Variants in CEP350 observed in about 807,000 individuals in gnomAD.
The protein encoded by CEP350 is centrosomal protein 350.
A neutral mutation model predicts 331.8 loss-of-function variants in CEP350; 126 were observed. That is an observed-to-expected ratio of 0.38 (90% CI 0.33 to 0.44). The LOEUF (loss-of-function observed/expected upper bound fraction) is 0.44, where lower values mean the gene tolerates loss of function less well. Ranked by LOEUF, CEP350 falls within the 20% of genes least tolerant of loss-of-function variation. CEP350 has a pLI of 1.00. For synonymous variants in CEP350, 1,200 were observed against 1,259.5 expected (o/e 0.95, Z 1.00); for missense variants, 3,406 against 3,634.6 (o/e 0.94, Z 1.62).
chr1:179,986,193 CA>C lies in CEP350; in HGVS notation c.15del (p.Lys5AsnfsTer23). 6.4e-7 allele frequency: 1 copy of C among 1,551,228 alleles called. No homozygotes were observed. MRSSKSKEVPLPNPR... is the reference protein window; with the variant it reads MRSSXSKEVPLPNPR... Reference sequence around the variant, plus strand: ...GGTAAATTGGCAGGATGAGGAGCAGCAAATCAAAAGAGGTGCCTTTACCAAA... The same window carrying C: ...GGTAAATTGGCAGGATGAGGAGCAGCAATCAAAAGAGGTGCCTTTACCAAA... On this transcript the variant is annotated frameshift_variant, in exon 2 of 38. Transcript: ENST00000367607. LOFTEE classifies it high-confidence loss of function.
intron 25 of CEP350, 85 bp downstream of exon 25, chr1:180,054,587 T>A (rs1010643237): frequency 1.1e-6 from 1 of 930,938 alleles, no homozygotes; most frequent in African/African-American, 1.6e-5. Flanking sequence ...TTTCTTTTCC[T>A]TATCATTGCC....
At chr1:180,050,466 C>G (rs750822254) in intron 22 of CEP350, among the ~76,000 whole-genome samples, 2 of 151,950 alleles carry the variant, frequency 1.3e-5, no homozygotes, top group Non-Finnish European at 2.9e-5. Context: ...AGTTCAAGAC[C>G]AGCCTGGCCA....
chr1:180,098,885 T>C lies in CEP350; in HGVS notation c.9089T>C (p.Leu3030Pro). Residue 3030 changes from leucine to proline, a missense_variant, in exon 37 of 38, where the codon CTC becomes CCC. Physicochemically the swap from Leu to Pro is moderately conservative, Grantham distance 98 (BLOSUM62 -3). Coordinates refer to ENST00000367607, the MANE Select transcript of CEP350 (RefSeq NM_014810.5). ...CAGAGCTTCATAGCAAGTGAAGTAC[T>C]CAAGTTGTTCAGTCTTAAAAAGGAG... ...EIKSFIASEV[L>P]KLFSLKKEPN... 1 of 1,613,360 alleles carries C rather than the reference T, an allele frequency of 6.2e-7. No individual in the cohort carries two copies. The highest frequency in any genetic ancestry group is 8.5e-7 in the Non-Finnish European group (1 of 1,179,568).
intron 37 of CEP350, among the ~76,000 whole-genome samples, chr1:180,107,616 C>T (rs1362495875): frequency 3.9e-5 from 6 of 152,104 alleles, no homozygotes; most frequent in Admixed American, 1.3e-4. Context: ...TGCAGTGAGC[C>T]GAGATGGCGC....
At chr1:180,073,824 C>A in intron 27 of CEP350, 1 of 1,304,296 alleles carries the variant, frequency 7.7e-7, no homozygotes, top group South Asian at 1.2e-5. Context: ...TCTGTCTTTA[C>A]GTCTCATCAC....
At chr1:179,983,256 A>G (rs180994610) in intron 1 of CEP350, among the ~76,000 whole-genome samples, 6 of 151,602 alleles carry the variant, frequency 4.0e-5, no homozygotes, top group East Asian at 1.9e-4. Context: ...TTTTTTTGAG[A>G]CGGAGTCTCG....
intron 17 of CEP350, among the ~76,000 whole-genome samples, chr1:180,039,958 G>A (rs1344652542): frequency 6.6e-6 from 1 of 151,806 alleles, no homozygotes; most frequent in Admixed American, 6.6e-5. Flanking sequence ...TCTCTCATTA[G>A]TATTTCATTG....
intron 5 of CEP350, among the ~76,000 whole-genome samples, chr1:179,994,002 G>A (rs1653287773): frequency 6.6e-6 from 1 of 152,058 alleles, no homozygotes; most frequent in South Asian, 2.1e-4. Flanking sequence ...CTGCCCATTA[G>A]TCTATCTAAG....
At chr1:180,052,386 G>T (rs539415915) in intron 22 of CEP350, 7 of 347,174 alleles carry the variant, frequency 2.0e-5, no homozygotes, top group African/African-American at 1.5e-4. Flanking sequence ...ATAAATAAGA[G>T]CTCTTTGTAG....
intron 8 of CEP350, among the ~76,000 whole-genome samples, chr1:180,011,544 C>A (rs146244397): frequency 0.083 from 12,674 of 152,116 alleles, 702 homozygotes; most frequent in Non-Finnish European, 0.12. Flanking sequence ...TGGGTTCAAG[C>A]GATTCTTGTG....
At chr1:180,004,929 TTCTTTCTTTC>T (rs1316467815) in intron 7 of CEP350, among the ~76,000 whole-genome samples, 41 of 104,854 alleles carry the variant, frequency 3.9e-4, no homozygotes, top group African/African-American at 1.1e-3. Context: ...CTTTCTTTCT[TTCTTTCTTTC>T]TTTCTTTCTT....
At chr1:180,074,802 A>G (rs1274245899) in intron 27 of CEP350, among the ~76,000 whole-genome samples, 2 of 152,150 alleles carry the variant, frequency 1.3e-5, no homozygotes, top group African/African-American at 2.4e-5. Context: ...TCCTTTGCTA[A>G]CTTTACAAAC....
rs1021484570 is a variant in CEP350 at position 180,036,100 on chromosome 1, T to G, written c.3947-826T>G. Among the ~76,000 whole-genome samples the G allele has an allele frequency of 5.9e-5, 9 of 152,234 alleles. No individual in the cohort carries two copies. In the South Asian group the frequency reaches 1.5e-3, roughly 25 times the overall value. ...GGGTTCAGAACTTCAGTGGAGGAAA[T>G]AACTGCAGATACGGTGGAAATAGCA... On this transcript the variant is annotated intron_variant, in intron 16 of 37. Coordinates refer to ENST00000367607, the MANE Select transcript of CEP350 (RefSeq NM_014810.5).
intron 1 of CEP350, among the ~76,000 whole-genome samples, chr1:179,968,047 A>C (rs538633529): frequency 6.6e-6 from 1 of 152,220 alleles, no homozygotes; most frequent in Non-Finnish European, 1.5e-5. Context: ...AAAGAGGAAT[A>C]AGAGCAGGTG....
intron 1 of CEP350, among the ~76,000 whole-genome samples, chr1:179,978,163 G>A (rs971494716): frequency 2.6e-5 from 4 of 152,042 alleles, no homozygotes; most frequent in Non-Finnish European, 5.9e-5. Context: ...TGACTGTACA[G>A]AGAACTTTGG....
chr1:180,103,033 A>T (rs1464942885), intron 37 of CEP350, among the ~76,000 whole-genome samples: 2 of 152,250 alleles, frequency 1.3e-5, no homozygotes, highest in Non-Finnish European at 2.9e-5. Context: ...GTTCCGAAAA[A>T]GGAAAAGCGG....
At chr1:180,081,634 A>C (rs868110449) in intron 30 of CEP350, among the ~76,000 whole-genome samples, 28 of 152,286 alleles carry the variant, frequency 1.8e-4, no homozygotes, top group South Asian at 4.1e-4. Context: ...GCCTTACTGC[A>C]CTCTCAGGAC....
chr1:179,979,009 G>A (rs1027607463), intron 1 of CEP350, among the ~76,000 whole-genome samples: 1 of 152,082 alleles, frequency 6.6e-6, no homozygotes, highest in African/African-American at 2.4e-5. Flanking sequence ...TGGTTATTGT[G>A]AATAATGCTG....
chr1:180,003,259 G>C lies in CEP350; in HGVS notation c.1104G>C (p.Leu368=). ...AGTTTCAAAACATGAGTAGAGAACT[G>C]TATCGAGATTTAGCACTTCACTTTG... is the stretch of plus-strand genomic sequence containing the variant. ...EAEFQNMSRE[L]YRDLALHFAD... The change falls in exon 7 of 38, where the codon CTG becomes CTC. Residue 368 remains leucine (L), a synonymous_variant. Transcript: ENST00000367607. 6.2e-7 allele frequency: 1 copy of C among 1,611,872 alleles called. No homozygotes were observed. Among genetic ancestry groups the C allele is most frequent in the Non-Finnish European group, 8.5e-7 (1 of 1,178,828 alleles).
Sources: allele counts gnomAD v4.1 joint callset (sites outside exome capture counted in the v4.1 genomes callset), GRCh38; gene constraint gnomAD v4.1.1; transcripts MANE v1.5; gene names NCBI Gene and HGNC (gene_info 2026-07-23, HGNC 2026-07-21).